Variants in FLT3 observed in about 807,000 individuals in gnomAD.
FLT3 encodes fms related receptor tyrosine kinase 3.
A neutral mutation model predicts 126.6 loss-of-function variants in FLT3; 46 were observed. That is an observed-to-expected ratio of 0.36 (90% CI 0.29 to 0.46). The LOEUF is 0.46. FLT3 is among the 20% of genes least tolerant of loss of function. The pLI is 1.00. For missense variants in FLT3, 1,069 were observed against 1,190.3 expected (o/e 0.90, Z 1.50); for synonymous variants, 404 against 434.4 (o/e 0.93, Z 0.87).
At chr13:28,053,139 T>G (rs1405665323) in intron 4 of FLT3, among the ~76,000 whole-genome samples, 1 of 149,930 alleles carries the variant, frequency 6.7e-6, no homozygotes, top group Non-Finnish European at 1.5e-5. Context: ...CAACAGAACT[T>G]AAGAGGTTTA....
intron 15 of FLT3, among the ~76,000 whole-genome samples, chr13:28,029,571 A>G (rs913265444): frequency 1.3e-5 from 2 of 152,220 alleles, no homozygotes; most frequent in African/African-American, 4.8e-5. Context: ...AGTTAACAGA[A>G]GGGAGAAACG....
intron 1 of FLT3, among the ~76,000 whole-genome samples, chr13:28,078,817 G>C (rs1000951419): frequency 6.6e-6 from 1 of 151,618 alleles, no homozygotes; most frequent in Non-Finnish European, 1.5e-5. Context: ...AGGTTCAAGC[G>C]ATTCTCCTGC....
Position 28,024,914 on chromosome 13 carries a change from T to C in FLT3, c.2237A>G (p.His746Arg), listed in dbSNP as rs1872679491. 6.2e-7 allele frequency: 1 copy of C among 1,612,020 alleles called. No homozygotes were observed. The highest frequency in any genetic ancestry group is 1.1e-5 in the South Asian group (1 of 90,476). The change falls in exon 18 of 24, where the codon CAC becomes CGC. Residue 746 changes from histidine to arginine, a missense_variant. Transcript: ENST00000241453. Reference protein sequence around the residue: ...SMPGSREVQIHPDSDQISGLH... With the variant: ...SMPGSREVQIRPDSDQISGLH... ...CCCTGAGATTTGATCCGAGTCCGGG[T>C]GTATCTGAACTTCTCTTGAACCAGG... is the stretch of plus-strand genomic sequence containing the variant.
chr13:28,018,578 T>A lies in FLT3; in HGVS notation c.2430A>T (p.Arg810Ser), dbSNP rs2137624172. 6.2e-7 allele frequency: 1 copy of A among 1,614,164 alleles called. No individual in the cohort carries two copies. The highest frequency in any genetic ancestry group is 8.5e-7 in the Non-Finnish European group (1 of 1,179,998). ...EFLEFKSCVH[R>S]DLAARNVLVT... ...CAAGCACGTTCCTGGCGGCCAGGTC[T>A]CTGTGAACACACTGTCAAGAATGAC... Residue 810 changes from arginine (R) to serine (S), a missense_variant, in exon 20 of 24, where the codon AGA becomes AGT. Transcript: ENST00000241453.
At chr13:28,076,696 G>C (rs1433508995) in intron 1 of FLT3, among the ~76,000 whole-genome samples, 3 of 152,178 alleles carry the variant, frequency 2.0e-5, no homozygotes, top group Non-Finnish European at 4.4e-5. Context: ...GGGAGGCCAA[G>C]GTGGGAGGAT....
chr13:28,076,756 T>C (rs1180654474), intron 1 of FLT3, among the ~76,000 whole-genome samples: 1 of 152,128 alleles, frequency 6.6e-6, no homozygotes. Context: ...AGTGAAACTC[T>C]GTCTCTACAA....
chr13:28,007,388 T>C (rs915701139), intron 23 of FLT3, among the ~76,000 whole-genome samples: 22 of 152,066 alleles, frequency 1.4e-4, no homozygotes, highest in Non-Finnish European at 3.1e-4. Context: ...CTGGGACTAC[T>C]GGTGTGCGCC....
At chr13:28,038,213 C>T (rs998573316) in intron 9 of FLT3, among the ~76,000 whole-genome samples, 3 of 152,150 alleles carry the variant, frequency 2.0e-5, no homozygotes, top group African/African-American at 4.8e-5. Flanking sequence ...TATTTTGACA[C>T]AGATAACCTG....
intron 19 of FLT3, among the ~76,000 whole-genome samples, chr13:28,022,570 G>C (rs1308434934): frequency 6.6e-6 from 1 of 152,052 alleles, no homozygotes; most frequent in Non-Finnish European, 1.5e-5. Flanking sequence ...CAAATTCAGA[G>C]AGAAAACAGG....
chr13:28,019,814 T>G (rs943725176), intron 19 of FLT3, among the ~76,000 whole-genome samples: 1 of 152,114 alleles, frequency 6.6e-6, no homozygotes, highest in Non-Finnish European at 1.5e-5. Context: ...CTGCGCATGG[T>G]TCACTCCTGC....
At chr13:28,092,832 A>G (rs1402138167) in intron 1 of FLT3, among the ~76,000 whole-genome samples, 1 of 141,572 alleles carries the variant, frequency 7.1e-6, no homozygotes, top group African/African-American at 2.6e-5. Flanking sequence ...CTCACTTTCC[A>G]AAAAAAAAAA....
chr13:28,015,806 T>TCAA, intron 20 of FLT3, 105 bp from the exon 21 acceptor site: 1 of 690,304 alleles, frequency 1.4e-6, no homozygotes, highest in Non-Finnish European at 2.6e-6. Flanking sequence ...AAGACCACTC[T>TCAA]TAATGCCTTA....
At position 28,026,092 on chromosome 13, in the gene FLT3, T is replaced by A. The variant is rs567997519; in HGVS notation, c.2207+996A>T. ...TCAGCCAGGTGCGGTGGCTCATGCC[T>A]ATAATTCCAGCACTTTGCGGGGCCT... On this transcript the variant is annotated intron_variant, in intron 17 of 23. Transcript: ENST00000241453. Among the ~76,000 whole-genome samples, 144 of 152,232 alleles carry A rather than the reference T, an allele frequency of 9.5e-4. 2 individuals carry two copies. In the South Asian group the frequency reaches 0.029, roughly 31 times the overall value.
intron 19 of FLT3, among the ~76,000 whole-genome samples, chr13:28,021,717 G>A (rs914074326): frequency 2.6e-5 from 4 of 151,838 alleles, no homozygotes; most frequent in African/African-American, 9.7e-5. Context: ...GTACACCACT[G>A]TGCCCAGCCT....
In FLT3 at chr13:28,035,516, T is replaced by A. The variant is rs1873751457; in HGVS notation, c.1576A>T (p.Thr526Ser). The A allele has an allele frequency of 6.2e-7, 1 of 1,613,418 alleles. No homozygotes were observed. The highest frequency in any genetic ancestry group is 1.1e-5 in the South Asian group (1 of 90,868). The change falls in exon 12 of 24, where the codon ACG (threonine) becomes TCG (serine). Residue 526 changes from threonine to serine, a missense_variant. Transcript: ENST00000241453. The stretch of plus-strand genomic sequence containing the variant: ...GTACCTGGAGAGTTTAAAAGGATCG[T>A]CTCACAAGATGTGCCAAGGGAATTG... ...AYNSLGTSCE[T>S]ILLNSPGPFP... is the part of the protein sequence containing the mutation.
rs543702185 is a variant in FLT3, at chr13:28,049,392, G to A, written c.1028C>T (p.Thr343Ile). ...TGAGCAGCCTGCATTACCTACGATGGTAACCAAAGCTGATTGACTGGGATG... is the reference window on the plus strand; with the variant it reads ...TGAGCAGCCTGCATTACCTACGATGATAACCAAAGCTGATTGACTGGGATG... ...SKHPSQSALV[T>I]IVEKGFINAT... The change falls in exon 8 of 24, where the codon ACC (threonine) becomes ATC (isoleucine). Residue 343 changes from threonine (T) to isoleucine (I), a missense_variant. By Grantham distance (89) the Thr-to-Ile change is moderately conservative. Transcript: ENST00000241453. 4.3e-5 allele frequency: 69 copies of A among 1,613,294 alleles called. 1 individual carries two copies. The South Asian group carries it at 5.9e-4, about 14-fold the overall frequency.
chr13:28,098,336 A>T (rs1409289632), intron 1 of FLT3, among the ~76,000 whole-genome samples: 1 of 146,992 alleles, frequency 6.8e-6, no homozygotes, highest in Non-Finnish European at 1.5e-5. Flanking sequence ...AAAAAAAAAA[A>T]GTAGTGTTTA....
intron 9 of FLT3, among the ~76,000 whole-genome samples, chr13:28,038,463 T>G (rs914925120): frequency 6.6e-6 from 1 of 151,848 alleles, no homozygotes; most frequent in Non-Finnish European, 1.5e-5. Context: ...TTTTTTTTTT[T>G]TTTTCTTGAG....
chr13:28,078,855 A>C (rs1878134233), intron 1 of FLT3, among the ~76,000 whole-genome samples: 1 of 152,072 alleles, frequency 6.6e-6, no homozygotes, highest in Admixed American at 6.6e-5. Flanking sequence ...CTGGGACTAA[A>C]GGTGCACGCC....
Sources: allele counts gnomAD v4.1 joint callset (sites outside exome capture counted in the v4.1 genomes callset), GRCh38; gene constraint gnomAD v4.1.1; transcripts MANE v1.5; gene names NCBI Gene and HGNC (gene_info 2026-07-23, HGNC 2026-07-21).